NCOA2: variants seen among roughly 807,000 people sequenced by gnomAD.
NCOA2 encodes class E basic helix-loop-helix protein 75.
NCOA2 carries 21 observed loss-of-function variants against 145.1 expected under a neutral mutation model. The ratio of observed to expected loss-of-function variants is 0.14; its 90% CI spans 0.10 to 0.21. The LOEUF (loss-of-function observed/expected upper bound fraction) is 0.21, where lower values mean the gene tolerates loss of function less well. NCOA2 is among the 10% of genes least tolerant of loss of function. The pLI is 1.00. For missense variants in NCOA2, 1,472 were observed against 1,837.6 expected, an observed-to-expected ratio of 0.80 and a Z score of 3.64; for synonymous variants, 619 against 637.5, an observed-to-expected ratio of 0.97 and a Z score of 0.44.
In NCOA2 at chr8:70,112,461, A is replaced by G. The variant is rs1806625846; in HGVS notation, c.*1171T>C. 1 of 199,354 alleles carries G rather than the reference A, an allele frequency of 5.0e-6. No individual in the cohort carries two copies. Among genetic ancestry groups the G allele is most frequent in the African/African-American group, 2.3e-5 (1 of 43,448 alleles). 12.3% of individuals were successfully genotyped at this position (199,354 alleles called of 1,614,324 possible). A position where few individuals can be genotyped will look rare whatever the true frequency, so the allele number is the denominator to read the frequency against. On this transcript the variant is annotated 3_prime_UTR_variant, in exon 23 of 23. Transcript: ENST00000452400. ...GTCAGCACTGCTAAAAAACAAAATA[A>G]AAAACACATGGCAGAGGTTAAATCT... is the stretch of plus-strand genomic sequence containing the variant.
intron 1 of NCOA2, among the ~76,000 whole-genome samples, chr8:70,346,565 A>G (rs1243267141): frequency 2.6e-5 from 4 of 152,254 alleles, no homozygotes; most frequent in African/African-American, 4.8e-5. Flanking sequence ...TTTACAAAAC[A>G]AAGAACATCA....
At chr8:70,373,593 T>G (rs1167021186) in intron 1 of NCOA2, among the ~76,000 whole-genome samples, 1 of 152,238 alleles carries the variant, frequency 6.6e-6, no homozygotes, top group South Asian at 2.1e-4. Flanking sequence ...AGTACTTTTT[T>G]GTGTTCTAAG....
At chr8:70,367,636 T>TA (rs1301561370) in intron 1 of NCOA2, among the ~76,000 whole-genome samples, 1 of 152,196 alleles carries the variant, frequency 6.6e-6, no homozygotes, top group African/African-American at 2.4e-5. Flanking sequence ...TTCCGTGTAT[T>TA]AAGTAGAACT....
At chr8:70,385,606 C>G (rs1161736863) in intron 1 of NCOA2, among the ~76,000 whole-genome samples, 1 of 152,070 alleles carries the variant, frequency 6.6e-6, no homozygotes, top group Non-Finnish European at 1.5e-5. Context: ...TTGTTAATTT[C>G]TTGTAGAAAT....
At chr8:70,159,244 T>TATATATATATATA in intron 10 of NCOA2, among the ~76,000 whole-genome samples, 7 of 69,300 alleles carry the variant, frequency 1.0e-4, no homozygotes, top group East Asian at 3.7e-4. Context: ...ATATATATAT[T>TATATATATATATA]TTTTTTTTTT....
intron 2 of NCOA2, among the ~76,000 whole-genome samples, chr8:70,258,492 A>G (rs73684248): frequency 0.015 from 2,287 of 152,278 alleles, 59 homozygotes; most frequent in African/African-American, 0.053. Context: ...GAGGGGAGAT[A>G]GGAAATCTGT....
chr8:70,402,650 G>A (rs888278947), intron 1 of NCOA2: 2 of 152,008 alleles, frequency 1.3e-5, no homozygotes, highest in Non-Finnish European at 2.9e-5. Context: ...ACCGTCGCGA[G>A]GCGGCCACAG....
chr8:70,285,892 G>C (rs1436822160), intron 2 of NCOA2, among the ~76,000 whole-genome samples: 30 of 151,992 alleles, frequency 2.0e-4, no homozygotes, highest in Non-Finnish European at 1.5e-5. Context: ...AGAGATTTTT[G>C]GAAATATATA....
intron 1 of NCOA2, among the ~76,000 whole-genome samples, chr8:70,393,747 C>T (rs188090365): frequency 5.3e-5 from 8 of 152,282 alleles, no homozygotes; most frequent in East Asian, 1.9e-4. Context: ...TTCTCTTCTC[C>T]GCTAAATGTG....
rs140563492 is a variant in NCOA2, at chr8:70,399,623, G to A, written c.-77+4077C>T. Among the ~76,000 whole-genome samples the A allele has an allele frequency of 1.9e-3, 282 of 152,298 alleles. 2 individuals are homozygous for A. The highest frequency in any genetic ancestry group is 6.2e-3 in the African/African-American group (257 of 41,558). ...AAAACTACATACGCAAAATACTAAA[G>A]TTAGTAATTTCTTAAATAGCAGTTT... is the stretch of plus-strand genomic sequence containing the variant. On this transcript the variant is annotated intron_variant, in intron 1 of 22. Coordinates refer to ENST00000452400, the MANE Select transcript of NCOA2 (RefSeq NM_006540.4).
the NCOA2 span, among the ~76,000 whole-genome samples, chr8:70,415,605 C>T: frequency 2.6e-5 from 4 of 152,016 alleles, no homozygotes; most frequent in African/African-American, 4.8e-5. Flanking sequence ...TAATTGTGGG[C>T]GGGAATATTG....
chr8:70,255,733 C>A (rs902440487), intron 2 of NCOA2, among the ~76,000 whole-genome samples: 7 of 152,148 alleles, frequency 4.6e-5, no homozygotes, highest in African/African-American at 1.4e-4. Context: ...CACAGCACTC[C>A]ACACAATCAC....
At chr8:70,279,231 C>G (rs1037843171) in intron 2 of NCOA2, among the ~76,000 whole-genome samples, 1 of 152,106 alleles carries the variant, frequency 6.6e-6, no homozygotes, top group South Asian at 2.1e-4. Context: ...TGGAATTACC[C>G]GCAGTAGGTG....
intron 1 of NCOA2, among the ~76,000 whole-genome samples, chr8:70,334,693 A>G (rs1332415763): frequency 6.6e-6 from 1 of 152,254 alleles, no homozygotes; most frequent in Non-Finnish European, 1.5e-5. Flanking sequence ...GGCAAAAGGC[A>G]TCAAATACTC....
upstream of NCOA2, among the ~76,000 whole-genome samples, chr8:70,406,174 G>A (rs533182701): frequency 1.3e-5 from 2 of 152,266 alleles, no homozygotes; most frequent in South Asian, 4.1e-4. Flanking sequence ...TATGATGTTT[G>A]TTGTTTCATT....
intron 1 of NCOA2, among the ~76,000 whole-genome samples, chr8:70,397,238 G>A (rs1813754889): frequency 6.6e-6 from 1 of 152,112 alleles, no homozygotes; most frequent in Admixed American, 6.5e-5. Flanking sequence ...GCAGGCAGGA[G>A]GTCAGGAGTT....
the NCOA2 span, among the ~76,000 whole-genome samples, chr8:70,445,745 A>G: frequency 6.6e-6 from 1 of 152,172 alleles, no homozygotes; most frequent in Admixed American, 6.5e-5. Flanking sequence ...TTGGAGTGCC[A>G]CTGGAAGACT....
the NCOA2 span, among the ~76,000 whole-genome samples, chr8:70,416,150 T>C: frequency 6.6e-6 from 1 of 151,774 alleles, no homozygotes; most frequent in African/African-American, 2.4e-5. Context: ...CTGAAGGAAG[T>C]CTGGAAACAG....
intron 4 of NCOA2, among the ~76,000 whole-genome samples, chr8:70,192,267 T>C (rs1051585092): frequency 6.6e-6 from 1 of 152,208 alleles, no homozygotes; most frequent in Non-Finnish European, 1.5e-5. Context: ...GTTGAGCATT[T>C]GCTTCAGGGA....
Sources: allele counts gnomAD v4.1 joint callset (sites outside exome capture counted in the v4.1 genomes callset), GRCh38; gene constraint gnomAD v4.1.1; transcripts MANE v1.5; gene names NCBI Gene and HGNC (gene_info 2026-07-23, HGNC 2026-07-21).